Variants in PCDHGB5 observed in about 807,000 individuals in gnomAD.
PCDHGB5 encodes protocadherin gamma-B5.
In PCDHGB5, 48 loss-of-function variants were observed where a neutral mutation model predicts 62.9. The observed-to-expected ratio is 0.76, with a 90% CI of 0.61 to 0.97. The LOEUF is 0.97. Among genes scored for constraint, PCDHGB5 ranks in the 50% least tolerant of loss-of-function variants. The pLI, the probability that PCDHGB5 is intolerant of heterozygous loss-of-function variation, is 0.00. For synonymous variants in PCDHGB5, 474 were observed against 511.2 expected (o/e 0.93, Z 0.98); for missense variants, 1,118 against 1,198.6 (o/e 0.93, Z 0.99).
At position 141,418,775 on chromosome 5, in the gene PCDHGB5, C is replaced by T. The variant is rs773519128; in HGVS notation, c.2397+18251C>T. 4 of 1,613,764 alleles carry T rather than the reference C, an allele frequency of 2.5e-6. No individual in the cohort carries two copies. In the East Asian group the frequency reaches 6.7e-5, roughly 27 times the overall value. ...TACAGGAAACATTCTAACTCAGCAG[C>T]CTTTGGATTTTGAAGAAGTAGAAAG... On this transcript the variant is annotated intron_variant, in intron 1 of 3. Transcript: ENST00000617380.
At chr5:141,454,620 G>T (rs1028840158) in intron 1 of PCDHGB5, among the ~76,000 whole-genome samples, 1 of 151,520 alleles carries the variant, frequency 6.6e-6, no homozygotes, top group East Asian at 1.9e-4. Flanking sequence ...TGGTCAGGCT[G>T]GTCTCGAACC....
intron 1 of PCDHGB5, chr5:141,418,797 A>T (rs201246978): frequency 1.9e-6 from 3 of 1,613,896 alleles, no homozygotes; most frequent in Non-Finnish European, 2.5e-6. Flanking sequence ...GAAGAAGTAG[A>T]AAGATATACG....
At chr5:141,411,880 A>G (rs1030232942) in intron 1 of PCDHGB5, 2 of 152,240 alleles carry the variant, frequency 1.3e-5, no homozygotes, top group African/African-American at 4.8e-5. Flanking sequence ...GACATTTCTA[A>G]GAAATAAATG....
chr5:141,460,681 A>G (rs2098995379), intron 1 of PCDHGB5, among the ~76,000 whole-genome samples: 1 of 152,134 alleles, frequency 6.6e-6, no homozygotes, highest in African/African-American at 2.4e-5. Context: ...ATATATCTAT[A>G]TATCCACCAA....
intron 1 of PCDHGB5, chr5:141,427,617 G>C (rs1295636754): frequency 1.4e-6 from 1 of 694,694 alleles, no homozygotes. Context: ...TGAAGTCAAC[G>C]ACAATGCTCC....
At position 141,431,994 on chromosome 5, in the gene PCDHGB5, G is replaced by C; in HGVS notation, c.2397+31470G>C. ...TTAGTCACAGACATAGTCTTGGATA[G>C]GGAACAGGTTCCTAGCTACAACATC... is the stretch of plus-strand genomic sequence containing the variant. On this transcript the variant is annotated intron_variant, in intron 1 of 3. Coordinates refer to ENST00000617380, the MANE Select transcript of PCDHGB5 (RefSeq NM_018925.3). The surrounding 1 kb of genome is among the most constrained non-coding windows in gnomAD (Gnocchi z 4.8). 1.9e-6 allele frequency: 3 copies of C among 1,614,188 alleles called. 1 individual carries two copies. The highest frequency in any genetic ancestry group is 2.2e-5 in the South Asian group (2 of 91,082).
At chr5:141,414,042 T>A (rs758538745) in intron 1 of PCDHGB5, 1 of 1,611,324 alleles carries the variant, frequency 6.2e-7, no homozygotes, top group South Asian at 1.1e-5. Flanking sequence ...GAAAATTACC[T>A]GACACGCAAT....
At chr5:141,423,424 T>C in intron 1 of PCDHGB5, 1 of 1,614,004 alleles carries the variant, frequency 6.2e-7, no homozygotes, top group Non-Finnish European at 8.5e-7. Flanking sequence ...TGAAGGCGGG[T>C]TGGCAGGTAT....
intron 1 of PCDHGB5, chr5:141,419,140 G>A (rs1359933027): frequency 1.2e-6 from 2 of 1,613,750 alleles, no homozygotes; most frequent in East Asian, 2.2e-5. Flanking sequence ...CCACAGACAG[G>A]GGCAAGCCTC....
At position 141,477,055 on chromosome 5, in the gene PCDHGB5, G is replaced by A. The variant is rs531755338; in HGVS notation, c.2398-17752G>A. Reference sequence around the variant, plus strand: ...CAATCAAGGGTCGGCTGGACTTCGAGGACACCAAACTCCATGAGATTTACA... The same window carrying A: ...CAATCAAGGGTCGGCTGGACTTCGAAGACACCAAACTCCATGAGATTTACA... On this transcript the variant is annotated intron_variant, in intron 1 of 3. Transcript: ENST00000617380. This position sits in a 1 kb window ranked among gnomAD's most constrained non-coding sequence, Gnocchi z 4.9. The A allele has an allele frequency of 4.5e-5, 72 of 1,614,242 alleles. 1 individual carries two copies. In the South Asian group the frequency reaches 7.8e-4, roughly 17 times the overall value.
intron 2 of PCDHGB5, among the ~76,000 whole-genome samples, chr5:141,501,102 C>G (rs951290710): frequency 2.0e-5 from 3 of 152,014 alleles, no homozygotes; most frequent in African/African-American, 4.8e-5. Flanking sequence ...CTCTTGACCT[C>G]GTGATCCGCC....
At chr5:141,407,214 G>C (rs1230787104) in intron 1 of PCDHGB5, among the ~76,000 whole-genome samples, 2 of 152,146 alleles carry the variant, frequency 1.3e-5, no homozygotes, top group South Asian at 2.1e-4. Context: ...TCCCCCTTAA[G>C]TGGGTAGCAA....
chr5:141,404,372 G>A (rs747130914), intron 1 of PCDHGB5: 7 of 1,613,844 alleles, frequency 4.3e-6, no homozygotes, highest in South Asian at 1.1e-5. Context: ...CATCTTCTCC[G>A]TGATTGCCTA....
At chr5:141,405,470 A>G in intron 1 of PCDHGB5, 1 of 1,108,980 alleles carries the variant, frequency 9.0e-7, no homozygotes, top group Non-Finnish European at 1.3e-6. Flanking sequence ...CCCAGGCTGG[A>G]ATGCAGTGGT....
At chr5:141,478,449 C>A in intron 1 of PCDHGB5, 1 of 1,613,540 alleles carries the variant, frequency 6.2e-7, no homozygotes. Context: ...AAACCTGGTG[C>A]AGCCAGTCCA....
intron 1 of PCDHGB5, among the ~76,000 whole-genome samples, chr5:141,459,160 T>C (rs1330588092): frequency 6.6e-6 from 1 of 152,228 alleles, no homozygotes; most frequent in African/African-American, 2.4e-5. Context: ...AGAACATTTC[T>C]ATAACCTTCA....
rs1226463441 is a variant in PCDHGB5, at chr5:141,432,906, T to A, written c.2397+32382T>A. 6.2e-7 allele frequency: 1 copy of A among 1,614,176 alleles called. No individual in the cohort carries two copies. The highest frequency in any genetic ancestry group is 8.5e-7 in the Non-Finnish European group (1 of 1,180,002). ...GTCATCTTGCTGCTGGCGCTCAGGC[T>A]GCGGCGCTGGCACAAGTCACGCCTG... On this transcript the variant is annotated intron_variant, in intron 1 of 3. Coordinates refer to ENST00000617380, the MANE Select transcript of PCDHGB5 (RefSeq NM_018925.3). The surrounding 1 kb of genome is among the most constrained non-coding windows in gnomAD (Gnocchi z 6.0).
chr5:141,456,427 T>A (rs1156577293), intron 1 of PCDHGB5, among the ~76,000 whole-genome samples: 1 of 152,166 alleles, frequency 6.6e-6, no homozygotes, highest in East Asian at 1.9e-4. Context: ...ATTCAAGTTA[T>A]AGTATTGAGT....
intron 1 of PCDHGB5, among the ~76,000 whole-genome samples, chr5:141,468,963 C>G (rs951670777): frequency 1.3e-5 from 2 of 150,940 alleles, no homozygotes; most frequent in Admixed American, 6.6e-5. Context: ...TTTTTTTTAC[C>G]TTAGGCTTTT....
Sources: gnomAD v4.1 joint callset for allele counts (sites outside exome capture counted in the v4.1 genomes callset) on GRCh38, gnomAD v4.1.1 for gene constraint, Gnocchi (gnomAD v3.1) non-coding constraint, MANE v1.5 for transcripts, NCBI Gene and HGNC (gene_info 2026-07-23, HGNC 2026-07-21) for gene names.